Variants in EIF4G3 observed in about 807,000 individuals in gnomAD.
EIF4G3 encodes the protein eukaryotic translation initiation factor 4 gamma 3.
Under a neutral mutation model 186.4 loss-of-function variants are expected in EIF4G3, and 34 were observed. The observed-to-expected ratio is 0.18, with a 90% CI of 0.14 to 0.24. The LOEUF is 0.24. Ranked by LOEUF, EIF4G3 falls within the 10% of genes least tolerant of loss-of-function variation. EIF4G3 has a pLI of 1.00. For missense variants in EIF4G3, 1,536 were observed against 1,948.5 expected (o/e 0.79, Z 3.99); for synonymous variants, 673 against 679.5 (o/e 0.99, Z 0.15).
chr1:20,963,410 A>G (rs925427570), intron 12 of EIF4G3, among the ~76,000 whole-genome samples: 1 of 152,118 alleles, frequency 6.6e-6, no homozygotes, highest in African/African-American at 2.4e-5. Context: ...TAAGGTTTGC[A>G]GGTATCAACT....
chr1:21,026,854 T>A (rs1323642438), intron 4 of EIF4G3, among the ~76,000 whole-genome samples: 2 of 151,296 alleles, frequency 1.3e-5, no homozygotes, highest in Non-Finnish European at 2.9e-5. Context: ...CGATAATCAT[T>A]TAAACCCAGG....
chr1:21,009,257 T>A (rs1426790568), intron 4 of EIF4G3, among the ~76,000 whole-genome samples: 1 of 152,232 alleles, frequency 6.6e-6, no homozygotes, highest in Admixed American at 6.5e-5. Context: ...CACAGCTCAC[T>A]GCAGCCTCAG....
Position 20,952,677 on chromosome 1 carries a change from C to G in EIF4G3, c.715-2566G>C, listed in dbSNP as rs781707543. Among the ~76,000 whole-genome samples the G allele has an allele frequency of 6.4e-4, 97 of 152,180 alleles. 1 individual carries two copies. The highest frequency in any genetic ancestry group is 2.8e-4 in the Non-Finnish European group (19 of 68,018). Reference sequence around the variant, plus strand: ...CAGCCTGGCCAACATGATGAAACCCCGTCTCTACCAAAAATACAAAAATTA... The same window carrying G: ...CAGCCTGGCCAACATGATGAAACCCGGTCTCTACCAAAAATACAAAAATTA... On this transcript the variant is annotated intron_variant, in intron 12 of 36. Coordinates refer to ENST00000602326, the MANE Select transcript of EIF4G3 (RefSeq NM_001391906.1).
intron 2 of EIF4G3, among the ~76,000 whole-genome samples, chr1:21,092,115 A>G (rs1040723375): frequency 1.3e-5 from 2 of 152,130 alleles, no homozygotes; most frequent in Admixed American, 1.3e-4. Flanking sequence ...TCAGTATGAT[A>G]TTGGCTGTGG....
chr1:21,062,277 T>C (rs1423150219), intron 3 of EIF4G3, among the ~76,000 whole-genome samples: 1 of 150,806 alleles, frequency 6.6e-6, no homozygotes, highest in Admixed American at 6.6e-5. Context: ...CCAGGCTGGC[T>C]TCAAACTCCT....
At chr1:20,855,899 T>A (rs890645643) in intron 25 of EIF4G3, among the ~76,000 whole-genome samples, 1 of 152,170 alleles carries the variant, frequency 6.6e-6, no homozygotes, top group Non-Finnish European at 1.5e-5. Flanking sequence ...CTTAAAAATA[T>A]TAAGGTAGTA....
chr1:20,877,898 T>C (rs774779195), intron 20 of EIF4G3, among the ~76,000 whole-genome samples: 12 of 152,134 alleles, frequency 7.9e-5, no homozygotes, highest in Non-Finnish European at 1.6e-4. Context: ...GGCTGGAGTG[T>C]TGTGGTGCAA....
At chr1:20,986,674 G>A (rs1173346866) in intron 7 of EIF4G3, among the ~76,000 whole-genome samples, 2 of 142,860 alleles carry the variant, frequency 1.4e-5, no homozygotes, top group African/African-American at 5.2e-5. Context: ...GCGTGAACCC[G>A]GGAGGCAGAG....
intron 2 of EIF4G3, among the ~76,000 whole-genome samples, chr1:21,094,303 A>G (rs1043339522): frequency 2.0e-5 from 3 of 151,994 alleles, no homozygotes; most frequent in Non-Finnish European, 4.4e-5. Context: ...ATGCTGCTAT[A>G]AAGACACATG....
chr1:21,137,141 GTTTTTCC>G (rs2102597501), intron 2 of EIF4G3, among the ~76,000 whole-genome samples: 1 of 128,740 alleles, frequency 7.8e-6, no homozygotes, highest in African/African-American at 2.9e-5. Context: ...TTGTTTGTTT[GTTTTTCC>G]TTTTTTTTTT....
rs1292840982 is a variant in EIF4G3, at chr1:20,851,285, C to T, written c.3745G>A (p.Ala1249Thr). 2.5e-6 allele frequency: 4 copies of T among 1,614,162 alleles called. No homozygotes were observed. Among genetic ancestry groups the T allele is most frequent in the Non-Finnish European group, 3.4e-6 (4 of 1,180,044 alleles). Residue 1249 changes from alanine (A) to threonine (T), a missense_variant, in exon 28 of 37, where the codon GCT becomes ACT. Physicochemically the swap from Ala to Thr is moderately conservative, Grantham distance 58. Transcript: ENST00000602326. ...GACTCCCTTGTTTTATTTCGCTCAG[C>T]CTCAGTGCTGTTCCTCTCCACATCC... ...GVDVERNSTE[A>T]ERNKTRESAK...
chr1:21,086,934 T>G (rs1284397016), intron 3 of EIF4G3, among the ~76,000 whole-genome samples: 4 of 148,202 alleles, frequency 2.7e-5, no homozygotes, highest in African/African-American at 7.4e-5. Context: ...GTGAGATTCC[T>G]TCTCAAAAAA....
At chr1:20,943,187 A>G (rs2095789998) in intron 13 of EIF4G3, among the ~76,000 whole-genome samples, 1 of 152,132 alleles carries the variant, frequency 6.6e-6, no homozygotes, top group African/African-American at 2.4e-5. Context: ...AAAACAAAAT[A>G]TATCTTGTGT....
At position 20,966,355 on chromosome 1, in the gene EIF4G3, AGT is replaced by A. The variant is rs574489526; in HGVS notation, c.714+3117_714+3118del. ...AGTAAAACTGAAGTTAAATCTAATG[AGT>A]CTTCTTTGGCTGGCAGATTGCTATT... On this transcript the variant is annotated intron_variant, in intron 12 of 36. Coordinates refer to ENST00000602326, the MANE Select transcript of EIF4G3 (RefSeq NM_001391906.1). 4.5e-3 allele frequency among the ~76,000 whole-genome samples: 688 copies of A among 152,236 alleles called. 1 individual carries two copies. Among genetic ancestry groups the A allele is most frequent in the Non-Finnish European group, 7.7e-3 (521 of 68,026 alleles).
At chr1:21,118,443 T>C (rs1160946285) in intron 2 of EIF4G3, among the ~76,000 whole-genome samples, 1 of 152,152 alleles carries the variant, frequency 6.6e-6, no homozygotes, top group Admixed American at 6.5e-5. Flanking sequence ...ATCATTTCCT[T>C]TCAGGTTCCA....
chr1:20,837,504 GGCTTTCT>G (rs1422673148), intron 30 of EIF4G3, among the ~76,000 whole-genome samples: 3 of 152,078 alleles, frequency 2.0e-5, no homozygotes, highest in African/African-American at 7.2e-5. Context: ...GCGCCTGGCT[GGCTTTCT>G]GCTTTCTAAC....
intron 20 of EIF4G3, among the ~76,000 whole-genome samples, chr1:20,867,336 G>A (rs1043675986): frequency 6.6e-6 from 1 of 152,128 alleles, no homozygotes; most frequent in African/African-American, 2.4e-5. Flanking sequence ...GTAAATTTGA[G>A]CAAGTTACCT....
At chr1:21,009,554 G>A (rs1274763088) in intron 4 of EIF4G3, among the ~76,000 whole-genome samples, 1 of 151,392 alleles carries the variant, frequency 6.6e-6, no homozygotes, top group African/African-American at 2.4e-5. Context: ...ACAAATGTTT[G>A]ACACTTAAAT....
Position 20,827,650 on chromosome 1 carries a change from T to G in EIF4G3, c.4236A>C (p.Leu1412=). Residue 1412 remains leucine (L), a synonymous_variant, in exon 32 of 37, where the codon CTA becomes CTC. Transcript: ENST00000602326. The stretch of plus-strand genomic sequence containing the variant: ...TGCATAGTAGGTGCAATATTTCAGA[T>G]AGCAAGACCCCAGCTCTTCCAACAG... ...LLPVGRAGVL[L]SEILHLLCKQ... is the part of the protein sequence containing the mutation. The G allele has an allele frequency of 2.5e-6, 4 of 1,612,646 alleles. No homozygotes were observed. The highest frequency in any genetic ancestry group is 3.4e-6 in the Non-Finnish European group (4 of 1,178,908).
Sources: gnomAD v4.1 joint callset for allele counts (sites outside exome capture counted in the v4.1 genomes callset) on GRCh38, gnomAD v4.1.1 for gene constraint, MANE v1.5 for transcripts, NCBI Gene and HGNC (gene_info 2026-07-23, HGNC 2026-07-21) for gene names.